Variants in ANO4 observed in about 807,000 individuals in gnomAD.
ANO4 encodes anoctamin 4, also known as anoctamin-4.
Under a neutral mutation model 141.9 loss-of-function variants are expected in ANO4, and 69 were observed. The ratio of observed to expected loss-of-function variants is 0.49; its 90% confidence interval spans 0.40 to 0.59. The LOEUF (loss-of-function observed/expected upper bound fraction) is 0.59, where lower values mean the gene tolerates loss of function less well. ANO4 is among the 20% of genes least tolerant of loss of function. ANO4 has a pLI of 0.00. For synonymous variants in ANO4, 350 were observed against 394.3 expected, an observed-to-expected ratio of 0.89 and a Z score of 1.33; for missense variants, 894 against 1,162.2, an observed-to-expected ratio of 0.77 and a Z score of 3.36.
chr12:100,816,652 T>C (rs1034065625), intron 1 of ANO4, among the ~76,000 whole-genome samples: 1 of 152,018 alleles, frequency 6.6e-6, no homozygotes, highest in Non-Finnish European at 1.5e-5. Flanking sequence ...TTCAACTGTT[T>C]ATAAAGGAGA....
intron 14 of ANO4, among the ~76,000 whole-genome samples, chr12:101,063,713 T>C (rs1465391135): frequency 6.7e-6 from 1 of 149,178 alleles, no homozygotes. Context: ...GCAATCTTAG[T>C]CATTTAATGG....
At chr12:100,887,574 A>G (rs1465856833) in intron 1 of ANO4, among the ~76,000 whole-genome samples, 2 of 151,698 alleles carry the variant, frequency 1.3e-5, no homozygotes, top group African/African-American at 4.9e-5. Context: ...TCCTCCTGCG[A>G]AGTGCATTAG....
chr12:100,780,814 G>T (rs2033689358), intron 3 of ANO4, among the ~76,000 whole-genome samples: 1 of 152,166 alleles, frequency 6.6e-6, no homozygotes. Context: ...AAAACGCTGG[G>T]ATTACAGGTG....
At chr12:101,072,669 G>A (rs1032815468) in intron 14 of ANO4, among the ~76,000 whole-genome samples, 1 of 151,988 alleles carries the variant, frequency 6.6e-6, no homozygotes, top group Admixed American at 6.6e-5. Context: ...CAGAATGGGA[G>A]AAAATTTTTG....
intron 18 of ANO4, among the ~76,000 whole-genome samples, chr12:101,094,681 G>A (rs1481686482): frequency 6.6e-6 from 1 of 152,128 alleles, no homozygotes; most frequent in Non-Finnish European, 1.5e-5. Flanking sequence ...TCACAGCAAA[G>A]TTAGTTTCTT....
intron 6 of ANO4, 124 bp from the exon 7 acceptor site, chr12:100,974,721 T>C: frequency 1.0e-6 from 1 of 993,846 alleles, no homozygotes; most frequent in Non-Finnish European, 1.6e-6. Context: ...AATCTCTTTT[T>C]AGTTTTTTCT....
At chr12:100,993,217 G>A (rs527720535) in intron 8 of ANO4, among the ~76,000 whole-genome samples, 1 of 152,178 alleles carries the variant, frequency 6.6e-6, no homozygotes, top group African/African-American at 2.4e-5. Context: ...CAAACAAACA[G>A]CCTAGCATTC....
intron 1 of ANO4, among the ~76,000 whole-genome samples, chr12:100,826,259 CAGAT>C (rs2036332430): frequency 6.7e-6 from 1 of 149,750 alleles, no homozygotes; most frequent in African/African-American, 2.5e-5. Context: ...TGTTTAAAGA[CAGAT>C]AAATAAATAT....
upstream of ANO4, among the ~76,000 whole-genome samples, chr12:100,792,390 C>G (rs1243250321): frequency 1.3e-5 from 2 of 152,158 alleles, no homozygotes; most frequent in Non-Finnish European, 2.9e-5. Context: ...AAATGGCCAT[C>G]GATCCAACAA....
At chr12:100,812,512 A>G (rs1268019895) in intron 1 of ANO4, among the ~76,000 whole-genome samples, 3 of 152,316 alleles carry the variant, frequency 2.0e-5, no homozygotes, top group Admixed American at 1.3e-4. Flanking sequence ...ATGTGTATAC[A>G]TACATAATAA....
rs138098107 is a variant in ANO4 at position 101,003,300 on chromosome 12, T to C, written c.734+15630T>C. Reference sequence around the variant, plus strand: ...TGGGATCTGGACTGAAGAAGCAGTCTGTAAGACATGCATTCTCATAGCAGA... The same window carrying C: ...TGGGATCTGGACTGAAGAAGCAGTCCGTAAGACATGCATTCTCATAGCAGA... On this transcript the variant is annotated intron_variant, in intron 8 of 27. Coordinates refer to ENST00000392977, the MANE Select transcript of ANO4 (RefSeq NM_001286615.2). 2.5e-4 allele frequency among the ~76,000 whole-genome samples: 38 copies of C among 152,360 alleles called. No homozygotes were observed. In the East Asian group the frequency reaches 6.6e-3, roughly 26 times the overall value.
chr12:100,826,728 C>T (rs1235340011), intron 1 of ANO4, among the ~76,000 whole-genome samples: 1 of 151,706 alleles, frequency 6.6e-6, no homozygotes, highest in South Asian at 2.1e-4. Context: ...GATCTCCAAA[C>T]TTAACCTGGC....
At chr12:100,979,895 C>CTTTTTTTTT (rs71091474) in intron 7 of ANO4, among the ~76,000 whole-genome samples, 23 of 119,396 alleles carry the variant, frequency 1.9e-4, no homozygotes, top group African/African-American at 3.8e-4. Context: ...GCCCAGCTGA[C>CTTTTTTTTT]TTTTTTTTTT....
At chr12:100,863,448 C>T (rs970136452) in intron 1 of ANO4, among the ~76,000 whole-genome samples, 2 of 152,234 alleles carry the variant, frequency 1.3e-5, no homozygotes, top group East Asian at 1.9e-4. Flanking sequence ...TCCTAACTCC[C>T]CTAGGCTGAG....
chr12:101,096,096 C>A (rs576427926), intron 18 of ANO4, among the ~76,000 whole-genome samples: 1 of 152,258 alleles, frequency 6.6e-6, no homozygotes, highest in Admixed American at 6.5e-5. Flanking sequence ...CCCTCTTAAG[C>A]AGTAGGTTGG....
chr12:100,999,382 A>G (rs1345155232), intron 8 of ANO4, among the ~76,000 whole-genome samples: 3 of 152,170 alleles, frequency 2.0e-5, no homozygotes, highest in Non-Finnish European at 4.4e-5. Flanking sequence ...CTGTCTTCAC[A>G]TCTTTTTCTT....
chr12:100,930,510 T>G (rs2042048453), intron 3 of ANO4, among the ~76,000 whole-genome samples: 1 of 152,196 alleles, frequency 6.6e-6, no homozygotes, highest in African/African-American at 2.4e-5. Context: ...GGATTTGTTT[T>G]TGGGTTCTCT....
intron 17 of ANO4, among the ~76,000 whole-genome samples, chr12:101,092,789 G>C (rs2049832287): frequency 6.6e-6 from 1 of 152,040 alleles, no homozygotes; most frequent in South Asian, 2.1e-4. Context: ...TCAGCTCCGA[G>C]GGCCTTTTAG....
Position 100,994,528 on chromosome 12 carries a change from A to C in ANO4, c.734+6858A>C, listed in dbSNP as rs145816463. 1.4e-3 allele frequency among the ~76,000 whole-genome samples: 211 copies of C among 152,354 alleles called. 1 individual carries two copies. Among genetic ancestry groups the C allele is most frequent in the African/African-American group, 4.8e-3 (198 of 41,584 alleles). ...GGACATTCTTTCAGGAAATAGATCA[A>C]TTCTGATTGTCTTTCAGAAAAATGT... On this transcript the variant is annotated intron_variant, in intron 8 of 27. Coordinates refer to ENST00000392977, the MANE Select transcript of ANO4 (RefSeq NM_001286615.2).
Sources: gnomAD v4.1 joint callset for allele counts (sites outside exome capture counted in the v4.1 genomes callset) on GRCh38, gnomAD v4.1.1 for gene constraint, MANE v1.5 for transcripts, NCBI Gene and HGNC (gene_info 2026-07-23, HGNC 2026-07-21) for gene names.